The following KCNQ1OT1 variants were observed in gnomAD, a reference collection of about 807,000 sequenced individuals.
KCNQ1OT1 encodes the protein KCNQ1 antisense RNA 2 (non-protein coding).
At chr11:2,649,071 T>C (rs1165400020) in exon 1 of KCNQ1OT1, 1 of 397,492 alleles carries the variant, frequency 2.5e-6, no homozygotes. Context: ...AATATCTTTT[T>C]CTATCCATTC....
rs962231594 is a variant in KCNQ1OT1 at position 2,668,388 on chromosome 11, T to C, written n.31607A>G. ...TCTTAGTGAATACTACCCAGCAGTCTACCAAAGGAGTCATTCCAATTTTCA... is the reference window on the plus strand; with the variant it reads ...TCTTAGTGAATACTACCCAGCAGTCCACCAAAGGAGTCATTCCAATTTTCA... On this transcript the variant is annotated non_coding_transcript_exon_variant, in exon 1 of 1. Transcript: ENST00000597346. This position sits in a 1 kb window ranked among gnomAD's most constrained non-coding sequence, Gnocchi z 4.3. 2 of 398,638 alleles carry C rather than the reference T, an allele frequency of 5.0e-6. No homozygotes were observed. The highest frequency in any genetic ancestry group is 8.8e-6 in the Non-Finnish European group (2 of 226,062). 24.7% of individuals were successfully genotyped at this position (398,638 alleles called of 1,614,324 possible).
In KCNQ1OT1 at chr11:2,628,477, G is replaced by A. The variant is rs368863630; in HGVS notation, n.71518C>T. 7 of 398,212 alleles carry A rather than the reference G, an allele frequency of 1.8e-5. No individual in the cohort carries two copies. The East Asian group carries it at 1.8e-4, about 10-fold the overall frequency. 24.7% of individuals were successfully genotyped at this position (398,212 alleles called of 1,614,324 possible). On this transcript the variant is annotated non_coding_transcript_exon_variant, in exon 1 of 1. Coordinates refer to ENST00000597346, the Ensembl canonical transcript of KCNQ1OT1. ...TTCAGTCCCTTGTCCATCTTAACAG[G>A]TTATTAATTGGGTTATTAAGTTTTT... is the stretch of plus-strand genomic sequence containing the variant.
At position 2,647,266 on chromosome 11, in the gene KCNQ1OT1, A is replaced by T. The variant is rs1488630664; in HGVS notation, n.52729T>A. 2 of 397,942 alleles carry T rather than the reference A, an allele frequency of 5.0e-6. No homozygotes were observed. 24.7% of individuals were successfully genotyped at this position (397,942 alleles called of 1,614,324 possible). ...TTTTGTCCTTCCTTCTGTTAATGTG[A>T]TGTATCACATTTATTGATTTGTATA... On this transcript the variant is annotated non_coding_transcript_exon_variant, in exon 1 of 1. Coordinates refer to ENST00000597346, the Ensembl canonical transcript of KCNQ1OT1. The surrounding 1 kb of genome is among the most constrained non-coding windows in gnomAD (Gnocchi z 4.0).
rs1849123762 is a variant in KCNQ1OT1 at position 2,619,277 on chromosome 11, T to G, written n.80718A>C. 3 of 398,406 alleles carry G rather than the reference T, an allele frequency of 7.5e-6. No individual in the cohort carries two copies. The South Asian group carries it at 3.8e-4, about 51-fold the overall frequency. The allele number at this position is 398,406 out of a possible 1,614,324, so 24.7% of individuals were successfully genotyped here. A position where few individuals can be genotyped will look rare whatever the true frequency, so the allele number is the denominator to read the frequency against. ...CTGGTTCATAGTAGAAGGGCTTCTG[T>G]TTTCCCTCATTGATTATAACGTTAG... On this transcript the variant is annotated non_coding_transcript_exon_variant, in exon 1 of 1. Coordinates refer to ENST00000597346, the Ensembl canonical transcript of KCNQ1OT1.
exon 1 of KCNQ1OT1, chr11:2,632,487 T>C (rs2133818061): frequency 2.5e-6 from 1 of 398,450 alleles, no homozygotes; most frequent in South Asian, 1.3e-4. Flanking sequence ...ATGATGCTCC[T>C]TGTGGGTTTT....
chr11:2,665,349 GTTGGGGA>G, exon 1 of KCNQ1OT1: 1 of 398,314 alleles, frequency 2.5e-6, no homozygotes, highest in Non-Finnish European at 4.4e-6. Flanking sequence ...TGCATGGGCA[GTTGGGGA>G]GCACCCCCAT....
exon 1 of KCNQ1OT1, chr11:2,686,911 C>G (rs1850499087): frequency 1.0e-5 from 4 of 398,582 alleles, no homozygotes; most frequent in Non-Finnish European, 1.8e-5. Flanking sequence ...GCAACCCAAT[C>G]CAGGTCCATG....
In KCNQ1OT1 at chr11:2,677,597, T is replaced by G; in HGVS notation, n.22398A>C. The G allele has an allele frequency of 2.5e-6, 1 of 398,578 alleles. No homozygotes were observed. 24.7% of individuals were successfully genotyped at this position (398,578 alleles called of 1,614,324 possible). A position where few individuals can be genotyped will look rare whatever the true frequency, so the allele number is the denominator to read the frequency against. On this transcript the variant is annotated non_coding_transcript_exon_variant, in exon 1 of 1. Transcript: ENST00000597346. This position sits in a 1 kb window ranked among gnomAD's most constrained non-coding sequence, Gnocchi z 4.5. ...TTACAAAAGACAAACCAAAATCCCC[T>G]CTGGATTTGTTTTTTTCTAAAACGT...
rs2133866615 is a variant in KCNQ1OT1 at position 2,669,539 on chromosome 11, A to G, written n.30456T>C. 2.5e-6 allele frequency: 1 copy of G among 398,620 alleles called. No individual in the cohort carries two copies. The highest frequency in any genetic ancestry group is 6.3e-4 in the Middle Eastern group (1 of 1,588). 24.7% of individuals were successfully genotyped at this position (398,620 alleles called of 1,614,324 possible). A position where few individuals can be genotyped will look rare whatever the true frequency, so the allele number is the denominator to read the frequency against. On this transcript the variant is annotated non_coding_transcript_exon_variant, in exon 1 of 1. Coordinates refer to ENST00000597346, the Ensembl canonical transcript of KCNQ1OT1. This position sits in a 1 kb window ranked among gnomAD's most constrained non-coding sequence, Gnocchi z 5.6. Reference sequence around the variant, plus strand: ...TGATGTATGTTCGCTGAATCCAGGGACAAGGTCTGTCAGGGAGCCCTGGCC... The same window carrying G: ...TGATGTATGTTCGCTGAATCCAGGGGCAAGGTCTGTCAGGGAGCCCTGGCC...
At position 2,649,478 on chromosome 11, in the gene KCNQ1OT1, T is replaced by A. The variant is rs186378113; in HGVS notation, n.50517A>T. On this transcript the variant is annotated non_coding_transcript_exon_variant, in exon 1 of 1. Transcript: ENST00000597346. ...TCTTGTGGGGCTGATTTAGTAGTAA[T>A]GAATTCCCTCAGTTTTTGCTTGTCT... 4.8e-4 allele frequency: 193 copies of A among 398,574 alleles called. No homozygotes were observed. The East Asian group carries it at 6.3e-3, about 13-fold the overall frequency. 24.7% of individuals were successfully genotyped at this position (398,574 alleles called of 1,614,324 possible).
chr11:2,626,849 A>G lies in KCNQ1OT1; in HGVS notation n.73146T>C, dbSNP rs1849270206. ...GGCCTGTAGTAAGTTTTCAAATCAG[A>G]AAGTGTGAGTCCTCCAATGTTGTTC... On this transcript the variant is annotated non_coding_transcript_exon_variant, in exon 1 of 1. Transcript: ENST00000597346. The surrounding 1 kb of genome is among the most constrained non-coding windows in gnomAD (Gnocchi z 4.0). 2.5e-6 allele frequency: 1 copy of G among 398,476 alleles called. No homozygotes were observed. The highest frequency in any genetic ancestry group is 4.4e-5 in the Admixed American group (1 of 22,714). 24.7% of individuals were successfully genotyped at this position (398,476 alleles called of 1,614,324 possible). A position where few individuals can be genotyped will look rare whatever the true frequency, so the allele number is the denominator to read the frequency against.
In KCNQ1OT1 at chr11:2,661,597, C is replaced by T. The variant is rs1849957363; in HGVS notation, n.38398G>A. On this transcript the variant is annotated non_coding_transcript_exon_variant, in exon 1 of 1. Coordinates refer to ENST00000597346, the Ensembl canonical transcript of KCNQ1OT1. This position sits in a 1 kb window ranked among gnomAD's most constrained non-coding sequence, Gnocchi z 5.9. Reference sequence around the variant, plus strand: ...GGTGGTGGGAGCTGTTGTCCCTTACCAGGCCTGTGCCTGTCACCTCTGTTT... The same window carrying T: ...GGTGGTGGGAGCTGTTGTCCCTTACTAGGCCTGTGCCTGTCACCTCTGTTT... 3.5e-6 allele frequency: 2 copies of T among 569,602 alleles called. No individual in the cohort carries two copies. Among genetic ancestry groups the T allele is most frequent in the African/African-American group, 1.9e-5 (1 of 53,656 alleles). 35.3% of individuals were successfully genotyped at this position (569,602 alleles called of 1,614,324 possible). A position where few individuals can be genotyped will look rare whatever the true frequency, so the allele number is the denominator to read the frequency against.
rs1428493909 is a variant in KCNQ1OT1 at position 2,627,361 on chromosome 11, T to C, written n.72634A>G. On this transcript the variant is annotated non_coding_transcript_exon_variant, in exon 1 of 1. Coordinates refer to ENST00000597346, the Ensembl canonical transcript of KCNQ1OT1. The surrounding 1 kb of genome is among the most constrained non-coding windows in gnomAD (Gnocchi z 4.9). ...ATACTCTCTTAGCAAATTCCAAGTA[T>C]AGAATATATTAACTATAGTCACCAA... 1 of 398,518 alleles carries C rather than the reference T, an allele frequency of 2.5e-6. No homozygotes were observed. The highest frequency in any genetic ancestry group is 3.6e-5 in the East Asian group (1 of 28,046). 24.7% of individuals were successfully genotyped at this position (398,518 alleles called of 1,614,324 possible).
rs925598594 is a variant in KCNQ1OT1, at chr11:2,682,214, T to C, written n.17781A>G. 41 of 398,412 alleles carry C rather than the reference T, an allele frequency of 1.0e-4. No homozygotes were observed. Among genetic ancestry groups the C allele is most frequent in the East Asian group, 2.5e-4 (7 of 28,080 alleles). The allele number at this position is 398,412 out of a possible 1,614,324, so 24.7% of individuals were successfully genotyped here. A position where few individuals can be genotyped will look rare whatever the true frequency, so the allele number is the denominator to read the frequency against. On this transcript the variant is annotated non_coding_transcript_exon_variant, in exon 1 of 1. Coordinates refer to ENST00000597346, the Ensembl canonical transcript of KCNQ1OT1. The surrounding 1 kb of genome is among the most constrained non-coding windows in gnomAD (Gnocchi z 5.8). ...CCTTCCCCAGGCCAGGACTGTCTTA[T>C]CCTGTGGTTCTTAGCTGAAATGTCC...
Position 2,647,654 on chromosome 11 carries a change from T to C in KCNQ1OT1, n.52341A>G. ...AGGTTTTCTTTACTGGGAGACTTTA[T>C]TACTGATACAATCTCATTCCTTGTT... On this transcript the variant is annotated non_coding_transcript_exon_variant, in exon 1 of 1. Coordinates refer to ENST00000597346, the Ensembl canonical transcript of KCNQ1OT1. The surrounding 1 kb of genome is among the most constrained non-coding windows in gnomAD (Gnocchi z 4.0). The C allele has an allele frequency of 2.5e-6, 1 of 398,592 alleles. No homozygotes were observed. 24.7% of individuals were successfully genotyped at this position (398,592 alleles called of 1,614,324 possible).
Position 2,613,383 on chromosome 11 carries a change from G to A in KCNQ1OT1, n.86612C>T. 2.5e-6 allele frequency: 1 copy of A among 398,548 alleles called. No individual in the cohort carries two copies. The highest frequency in any genetic ancestry group is 4.4e-6 in the Non-Finnish European group (1 of 226,038). The allele number at this position is 398,548 out of a possible 1,614,324, so 24.7% of individuals were successfully genotyped here. On this transcript the variant is annotated non_coding_transcript_exon_variant, in exon 1 of 1. Coordinates refer to ENST00000597346, the Ensembl canonical transcript of KCNQ1OT1. This position sits in a 1 kb window ranked among gnomAD's most constrained non-coding sequence, Gnocchi z 4.8. ...ACATTAGGTTGCTGTGATGTGGGTT[G>A]CCTCCAATTATTTGCCACTGAAATC...
rs145462560 is a variant in KCNQ1OT1 at position 2,661,523 on chromosome 11, C to T, written n.38472G>A. On this transcript the variant is annotated non_coding_transcript_exon_variant, in exon 1 of 1. Coordinates refer to ENST00000597346, the Ensembl canonical transcript of KCNQ1OT1. The surrounding 1 kb of genome is among the most constrained non-coding windows in gnomAD (Gnocchi z 5.9). ...TCATGGGTCAGAGGTCCTATCACCC[C>T]ATCTTTCCTGACCCACTACTCTGTC... 261 of 472,940 alleles carry T rather than the reference C, an allele frequency of 5.5e-4. 2 individuals carry two copies. Among genetic ancestry groups the T allele is most frequent in the Admixed American group, 3.4e-3 (94 of 27,406 alleles). The allele number at this position is 472,940 out of a possible 1,614,324, so 29.3% of individuals were successfully genotyped here. A position where few individuals can be genotyped will look rare whatever the true frequency, so the allele number is the denominator to read the frequency against.
chr11:2,622,616 A>G (rs1011169081), exon 1 of KCNQ1OT1: 4 of 398,270 alleles, frequency 1.0e-5, no homozygotes, highest in African/African-American at 4.1e-5. Context: ...TAAATACAAC[A>G]TTTCCTCCCT....
At chr11:2,688,866 T>G in exon 1 of KCNQ1OT1, 2 of 398,802 alleles carry the variant, frequency 5.0e-6, no homozygotes, top group Non-Finnish European at 8.8e-6. Context: ...GGGCCAGAGG[T>G]CATGCAGCAA....
Sources: allele counts gnomAD v4.1 joint callset, GRCh38; gene constraint gnomAD v4.1.1; non-coding constraint Gnocchi (gnomAD v3.1); transcripts MANE v1.5; gene names NCBI Gene and HGNC (gene_info 2026-07-23, HGNC 2026-07-21).